Variants in TCF7L2 observed in about 807,000 individuals in gnomAD.
TCF7L2 encodes the protein transcription factor 7-like 2.
In TCF7L2, 23 loss-of-function variants were observed where a neutral mutation model predicts 77.9. The observed-to-expected ratio is 0.30, with a 90% CI of 0.21 to 0.42. The LOEUF is 0.42. Among genes scored for constraint, TCF7L2 ranks in the 10% least tolerant of loss-of-function variants. TCF7L2 has a pLI of 1.00. For missense variants in TCF7L2, 654 were observed against 793.1 expected (o/e 0.82, Z 2.11); for synonymous variants, 413 against 340.2 (o/e 1.21, Z -2.36).
At chr10:112,979,875 T>C (rs923447823) in intron 4 of TCF7L2, among the ~76,000 whole-genome samples, 1 of 152,222 alleles carries the variant, frequency 6.6e-6, no homozygotes, top group Non-Finnish European at 1.5e-5. Flanking sequence ...CGTAAAATAC[T>C]TTGAGAAAAT....
intron 4 of TCF7L2, 48 bp downstream of exon 4, chr10:112,964,672 C>CA (rs1250262741): frequency 6.5e-7 from 1 of 1,527,170 alleles, no homozygotes; most frequent in African/African-American, 1.4e-5. Context: ...ATATGTAGGT[C>CA]TCTTGTGTGT....
chr10:113,099,620 C>A (rs1178836782), intron 5 of TCF7L2, among the ~76,000 whole-genome samples: 2 of 152,206 alleles, frequency 1.3e-5, no homozygotes, highest in African/African-American at 4.8e-5. Context: ...TGTGCTTGTC[C>A]TCCCCCTGGG....
At chr10:112,963,123 T>G (rs1273753822) in intron 3 of TCF7L2, among the ~76,000 whole-genome samples, 1 of 152,190 alleles carries the variant, frequency 6.6e-6, no homozygotes, top group Non-Finnish European at 1.5e-5. Context: ...TAATGTTTTC[T>G]ATTTGTTTAT....
intron 5 of TCF7L2, among the ~76,000 whole-genome samples, chr10:113,105,010 C>A (rs765420502): frequency 6.6e-6 from 1 of 152,200 alleles, no homozygotes; most frequent in Non-Finnish European, 1.5e-5. Context: ...GTGACAATAA[C>A]TGTTGCAAAG....
rs56927661 is a variant in TCF7L2, at chr10:113,073,129, T to TGTGTGTGAGA, written c.552+33004_552+33005insTGTGTGAGAG. ...GTGTGTGTGTGTGTGTGTGTGTGTG[T>TGTGTGTGAGA]GAGAGAGAGAGAGAGAGAGAGACAG... On this transcript the variant is annotated intron_variant, in intron 5 of 13. Transcript: ENST00000627217. 1.9e-3 allele frequency among the ~76,000 whole-genome samples: 238 copies of TGTGTGTGAGA among 123,558 alleles called. 3 individuals carry two copies. The highest frequency in any genetic ancestry group is 6.2e-3 in the South Asian group (20 of 3,220). The allele number at this position is 123,558 out of a possible 152,430, so 81.1% of individuals were successfully genotyped here.
intron 12 of TCF7L2, chr10:113,160,480 T>G: frequency 1.6e-6 from 1 of 608,654 alleles, no homozygotes; most frequent in Non-Finnish European, 2.6e-6. Context: ...TCCTTTCCTT[T>G]CATGTCCTTG....
At chr10:113,156,847 G>C (rs142929135) in intron 11 of TCF7L2, among the ~76,000 whole-genome samples, 233 of 152,348 alleles carry the variant, frequency 1.5e-3, no homozygotes, top group Non-Finnish European at 2.8e-3. Context: ...CTTGCTAGAT[G>C]TGTGACCCTG....
At chr10:113,140,139 A>G (rs2068087353) in intron 5 of TCF7L2, among the ~76,000 whole-genome samples, 1 of 152,050 alleles carries the variant, frequency 6.6e-6, no homozygotes, top group South Asian at 2.1e-4. Context: ...GTTTTTTGCA[A>G]TTGGATTACT....
intron 5 of TCF7L2, among the ~76,000 whole-genome samples, chr10:113,130,861 G>C (rs1299098115): frequency 6.6e-6 from 1 of 152,036 alleles, no homozygotes; most frequent in Non-Finnish European, 1.5e-5. Flanking sequence ...CACCTCCCGG[G>C]TTCAAGCAAT....
rs533073826 is a variant in TCF7L2, at chr10:113,062,542, C to CT, written c.552+22428dup. On this transcript the variant is annotated intron_variant, in intron 5 of 13. Coordinates refer to ENST00000627217, the MANE Select transcript of TCF7L2 (RefSeq NM_001146274.2). ...GTGTGGTTCTTCTATGGCTACTGCA[C>CT]TTTTTTTTTTTTCTTACTGTCTCCC... 3.1e-3 allele frequency among the ~76,000 whole-genome samples: 456 copies of CT among 147,002 alleles called. 4 individuals carry two copies. Among genetic ancestry groups the CT allele is most frequent in the South Asian group, 0.026 (122 of 4,646 alleles).
chr10:113,061,194 G>A (rs1016811230), intron 5 of TCF7L2, among the ~76,000 whole-genome samples: 42 of 152,150 alleles, frequency 2.8e-4, no homozygotes, highest in African/African-American at 9.9e-4. Flanking sequence ...GTGACCCTTG[G>A]GGGACAGGGT....
At chr10:112,998,870 T>TATCAC (rs2043975214) in intron 4 of TCF7L2, among the ~76,000 whole-genome samples, 1 of 152,272 alleles carries the variant, frequency 6.6e-6, no homozygotes, top group Non-Finnish European at 1.5e-5. Flanking sequence ...TTTTCTTGGT[T>TATCAC]ATCACATCAC....
At chr10:113,112,500 G>T (rs1419737972) in intron 5 of TCF7L2, among the ~76,000 whole-genome samples, 2 of 152,222 alleles carry the variant, frequency 1.3e-5, no homozygotes, top group Non-Finnish European at 2.9e-5. Flanking sequence ...ATAATTCCCT[G>T]TAGCAGCTTG....
At chr10:113,059,661 G>A (rs1041157059) in intron 5 of TCF7L2, among the ~76,000 whole-genome samples, 9 of 152,134 alleles carry the variant, frequency 5.9e-5, no homozygotes, top group Admixed American at 2.6e-4. Context: ...GTCCCTGGGA[G>A]TCTTGTTCAC....
intron 4 of TCF7L2, among the ~76,000 whole-genome samples, chr10:113,023,323 C>T (rs1271795206): frequency 6.6e-6 from 1 of 152,182 alleles, no homozygotes; most frequent in Non-Finnish European, 1.5e-5. Flanking sequence ...AGTTTTACCG[C>T]AGCAAGACCT....
intron 4 of TCF7L2, among the ~76,000 whole-genome samples, chr10:112,995,378 T>C (rs2043282803): frequency 6.6e-6 from 1 of 152,176 alleles, no homozygotes; most frequent in Non-Finnish European, 1.5e-5. Flanking sequence ...TGGAGTTCGT[T>C]GCTTGGTTGT....
intron 5 of TCF7L2, among the ~76,000 whole-genome samples, chr10:113,059,123 G>T (rs375416842): frequency 1.3e-5 from 2 of 152,170 alleles, no homozygotes; most frequent in African/African-American, 4.8e-5. Context: ...CAGTGGCATC[G>T]GTTGGGAGGA....
At chr10:113,143,342 C>G (rs949015351) in intron 6 of TCF7L2, among the ~76,000 whole-genome samples, 1 of 152,272 alleles carries the variant, frequency 6.6e-6, no homozygotes, top group African/African-American at 2.4e-5. Flanking sequence ...CTGTTCAGCT[C>G]TGACTCTGCC....
chr10:113,045,554 C>T (rs2053293293), intron 5 of TCF7L2, among the ~76,000 whole-genome samples: 1 of 152,156 alleles, frequency 6.6e-6, no homozygotes. Context: ...GGCCTGCTGG[C>T]TTTGCTGGAG....
Sources: allele counts gnomAD v4.1 joint callset (sites outside exome capture counted in the v4.1 genomes callset), GRCh38; gene constraint gnomAD v4.1.1; transcripts MANE v1.5; gene names NCBI Gene and HGNC (gene_info 2026-07-23, HGNC 2026-07-21).